The following TTC34 variants were observed in gnomAD, a reference collection of about 807,000 sequenced individuals.
TTC34 encodes tetratricopeptide repeat protein 34.
Under a neutral mutation model 40.7 loss-of-function variants are expected in TTC34, and 44 were observed. The ratio of observed to expected loss-of-function variants is 1.08; its 90% CI spans 0.85 to 1.39. The LOEUF (loss-of-function observed/expected upper bound fraction) is 1.39, where lower values mean the gene tolerates loss of function less well. Among genes scored for constraint, TTC34 ranks in the 40% most tolerant of loss-of-function variants. The pLI is 0.00. For synonymous variants in TTC34, 422 were observed against 398.6 expected (o/e 1.06, Z -0.70); for missense variants, 884 against 838.0 (o/e 1.05, Z -0.68).
chr1:2,700,018 G>C lies in TTC34; in HGVS notation c.2227-54455C>G, dbSNP rs569183731. 1.3e-3 allele frequency among the ~76,000 whole-genome samples: 161 copies of C among 119,586 alleles called. 10 individuals carry two copies. The highest frequency in any genetic ancestry group is 3.8e-3 in the African/African-American group (142 of 36,888). The allele number at this position is 119,586 out of a possible 152,430, so 78.5% of individuals were successfully genotyped here. On this transcript the variant is annotated intron_variant, in intron 6 of 8. Transcript: ENST00000401095. ...GCCTGGAGCAGCGTCCACACCCCCA[G>C]GTGAGCATCTGATAGCCTGGAGCAG...
At chr1:2,650,124 T>C (rs868423485) in intron 6 of TTC34, among the ~76,000 whole-genome samples, 1,208 of 55,824 alleles carry the variant, frequency 0.022, 3 homozygotes, top group Middle Eastern at 0.064. Context: ...CCTGGAATGG[T>C]ACTCTACACC....
intron 6 of TTC34, among the ~76,000 whole-genome samples, chr1:2,658,372 C>A (rs1639426209): frequency 1.0e-5 from 1 of 100,176 alleles, no homozygotes; most frequent in African/African-American, 3.0e-5. Context: ...CAACCTGGAG[C>A]AGCACCCACG....
At chr1:2,697,140 A>C (rs554069445) in intron 6 of TTC34, among the ~76,000 whole-genome samples, 6 of 116,800 alleles carry the variant, frequency 5.1e-5, no homozygotes, top group African/African-American at 2.1e-4. Context: ...TGCGCACGTG[A>C]CAGCGTGGAA....
intron 6 of TTC34, among the ~76,000 whole-genome samples, chr1:2,764,536 C>T (rs1244113064): frequency 1.4e-5 from 2 of 147,750 alleles, no homozygotes; most frequent in Non-Finnish European, 3.0e-5. Flanking sequence ...GGAGCAGCAC[C>T]CACACCCCCA....
intron 6 of TTC34, among the ~76,000 whole-genome samples, chr1:2,752,205 C>CT (rs1641342879): frequency 1.7e-5 from 2 of 121,038 alleles, no homozygotes; most frequent in African/African-American, 3.6e-5. Flanking sequence ...GAACAGAACC[C>CT]ACACCCCCAG....
At chr1:2,693,782 C>T (rs1640735066) in intron 6 of TTC34, among the ~76,000 whole-genome samples, 1 of 117,804 alleles carries the variant, frequency 8.5e-6, no homozygotes, top group Admixed American at 8.4e-5. Context: ...GAGCAGCACC[C>T]ACACCCCCAG....
chr1:2,785,841 C>T (rs1181397536), exon 5 of TTC34: 19 of 1,544,370 alleles, frequency 1.2e-5, no homozygotes, highest in Non-Finnish European at 1.7e-5. Flanking sequence ...TGGCCAGAGA[C>T]AGGTAGGCGA....
intron 6 of TTC34, among the ~76,000 whole-genome samples, chr1:2,755,764 G>T (rs1274566773): frequency 2.5e-5 from 3 of 118,850 alleles, no homozygotes; most frequent in African/African-American, 3.5e-5. Context: ...GCATCTGACA[G>T]CCTGGAACGG....
chr1:2,690,399 CCAACGGAGCA>C (rs1640563629), intron 6 of TTC34, among the ~76,000 whole-genome samples: 1 of 102,780 alleles, frequency 9.7e-6, no homozygotes, highest in Non-Finnish European at 2.3e-5. Flanking sequence ...AGCATCTGAC[CCAACGGAGCA>C]GAACCCAGAA....
chr1:2,646,758 T>A (rs1046672860), intron 6 of TTC34, among the ~76,000 whole-genome samples: 2 of 152,374 alleles, frequency 1.3e-5, no homozygotes, highest in Middle Eastern at 3.4e-3. Flanking sequence ...TATTTGCAGA[T>A]GCTTTTCATT....
chr1:2,673,398 C>T (rs1480492394), intron 6 of TTC34, among the ~76,000 whole-genome samples: 1 of 78,770 alleles, frequency 1.3e-5, no homozygotes, highest in Non-Finnish European at 3.0e-5. Flanking sequence ...ACCCACACCC[C>T]CAGGTGAGCA....
chr1:2,777,970 G>T (rs1334507516), intron 6 of TTC34, among the ~76,000 whole-genome samples: 1 of 152,172 alleles, frequency 6.6e-6, no homozygotes, highest in Non-Finnish European at 1.5e-5. Flanking sequence ...AGCCACAGAT[G>T]TCTGTCCAGT....
chr1:2,683,278 T>C (rs1401066265), intron 6 of TTC34, among the ~76,000 whole-genome samples: 5 of 149,682 alleles, frequency 3.3e-5, no homozygotes, highest in East Asian at 2.0e-4. Context: ...CACCCACAGG[T>C]GAGCATCTGA....
chr1:2,685,931 C>A (rs1640318462), intron 6 of TTC34, among the ~76,000 whole-genome samples: 1 of 145,066 alleles, frequency 6.9e-6, no homozygotes, highest in African/African-American at 2.7e-5. Flanking sequence ...CCCAGGTGAG[C>A]ATGTGACAGC....
At chr1:2,691,908 C>G (rs539861664) in intron 6 of TTC34, among the ~76,000 whole-genome samples, 1 of 71,664 alleles carries the variant, frequency 1.4e-5, no homozygotes, top group African/African-American at 4.5e-5. Flanking sequence ...CCTGCACACC[C>G]AGGTGAGCAT....
rs1185167102 is a variant in TTC34 at position 2,751,944 on chromosome 1, C to T, written c.2226+31665G>A. ...AGCACGCATAACCACAGGTGAACAT[C>T]GGAGAGTCTGGAGCAGCGCCCACAC... On this transcript the variant is annotated intron_variant, in intron 6 of 8. Coordinates refer to ENST00000401095, the Ensembl canonical transcript of TTC34. Among the ~76,000 whole-genome samples, 42 of 110,048 alleles carry T rather than the reference C, an allele frequency of 3.8e-4. 5 individuals carry two copies. The highest frequency in any genetic ancestry group is 9.5e-3 in the Middle Eastern group (2 of 210). The allele number at this position is 110,048 out of a possible 152,430, so 72.2% of individuals were successfully genotyped here. A position where few individuals can be genotyped will look rare whatever the true frequency, so the allele number is the denominator to read the frequency against.
rs543655487 is a variant in TTC34 at position 2,777,444 on chromosome 1, C to T, written c.2226+6165G>A. 6.6e-5 allele frequency among the ~76,000 whole-genome samples: 10 copies of T among 152,292 alleles called. No individual in the cohort carries two copies. The South Asian group carries it at 1.9e-3, about 28-fold the overall frequency. On this transcript the variant is annotated intron_variant, in intron 6 of 8. Transcript: ENST00000401095. Reference sequence around the variant, plus strand: ...CCAGGGGAGCATCTGACAGCATGGACAAGTCCTGCCCCCCGGTTAGTGTCT... The same window carrying T: ...CCAGGGGAGCATCTGACAGCATGGATAAGTCCTGCCCCCCGGTTAGTGTCT...
In TTC34 at chr1:2,641,707, C is replaced by T. The variant is rs1175426338; in HGVS notation, c.2901G>A (p.Ala967=). 1.5e-5 allele frequency: 23 copies of T among 1,535,434 alleles called. No individual in the cohort carries two copies. In the East Asian group the frequency reaches 4.9e-4, roughly 33 times the overall value. ...GCCTTGGGAGGTCACCATCCCCCAG[C>T]GCCTCCTGGAGCACATGGTCCAGGT... The change falls in exon 9 of 9, where the codon GCG becomes GCA. Residue 967 remains alanine (A), a synonymous_variant. Transcript: ENST00000401095.
At chr1:2,687,067 T>G (rs1279172897) in intron 6 of TTC34, among the ~76,000 whole-genome samples, 8 of 142,990 alleles carry the variant, frequency 5.6e-5, no homozygotes, top group Non-Finnish European at 9.0e-5. Context: ...TCCGACAGCC[T>G]GGAGCAGGAC....
Sources: gnomAD v4.1 joint callset for allele counts (sites outside exome capture counted in the v4.1 genomes callset) on GRCh38, gnomAD v4.1.1 for gene constraint, MANE v1.5 for transcripts, NCBI Gene and HGNC (gene_info 2026-07-23, HGNC 2026-07-21) for gene names.